PKHD1: variants seen among roughly 807,000 people sequenced by gnomAD.
PKHD1 encodes fibrocystin.
In PKHD1, 291 loss-of-function variants were observed where a neutral mutation model predicts 412.0. The ratio of observed to expected loss-of-function variants is 0.71; its 90% CI spans 0.64 to 0.78. The LOEUF is 0.78. Among genes scored for constraint, PKHD1 ranks in the 30% least tolerant of loss-of-function variants. PKHD1 has a pLI of 0.00. For synonymous variants in PKHD1, 1,777 were observed against 1,821.5 expected (o/e 0.98, Z 0.62); for missense variants, 4,825 against 4,950.7 (o/e 0.97, Z 0.76).
At chr6:51,821,741 G>T (rs1464341377) in intron 52 of PKHD1, among the ~76,000 whole-genome samples, 3 of 152,178 alleles carry the variant, frequency 2.0e-5, no homozygotes, top group African/African-American at 7.2e-5. Flanking sequence ...TTGAGACGGA[G>T]TCTCGCTCTG....
intron 60 of PKHD1, among the ~76,000 whole-genome samples, chr6:51,718,167 T>C (rs1319756131): frequency 2.0e-5 from 3 of 152,234 alleles, no homozygotes; most frequent in Non-Finnish European, 4.4e-5. Flanking sequence ...ACTTAAGGCC[T>C]GAGGGCAGGT....
At chr6:51,779,904 T>A (rs988597919) in intron 53 of PKHD1, among the ~76,000 whole-genome samples, 9 of 152,084 alleles carry the variant, frequency 5.9e-5, no homozygotes, top group Non-Finnish European at 1.2e-4. Flanking sequence ...CTTTTAAACC[T>A]TGCACAAGAC....
At chr6:51,833,304 T>C (rs191935676) in intron 51 of PKHD1, among the ~76,000 whole-genome samples, 11 of 152,300 alleles carry the variant, frequency 7.2e-5, no homozygotes, top group Non-Finnish European at 1.6e-4. Flanking sequence ...AGTCTTTAGT[T>C]GGACAAATTA....
In PKHD1 at chr6:52,071,540, G is replaced by C. The variant is rs1424270993; in HGVS notation, c.603-470C>G. Among the ~76,000 whole-genome samples, 3 of 152,142 alleles carry C rather than the reference G, an allele frequency of 2.0e-5. No homozygotes were observed. In the East Asian group the frequency reaches 5.9e-4, roughly 30 times the overall value. On this transcript the variant is annotated intron_variant, in intron 8 of 66. Transcript: ENST00000371117. ...CCTCAAAGGAGGGGCAACACACCCT[G>C]TCCAGAGTGAAGTAAAAATCCAGCA...
At chr6:52,061,864 CAG>C (rs1385901771) in intron 14 of PKHD1, among the ~76,000 whole-genome samples, 1 of 152,072 alleles carries the variant, frequency 6.6e-6, no homozygotes, top group Non-Finnish European at 1.5e-5. Flanking sequence ...ACTAAGGAAA[CAG>C]TGTGTCTAAG....
At chr6:51,644,209 A>G (rs1769773434) in intron 63 of PKHD1, among the ~76,000 whole-genome samples, 1 of 152,188 alleles carries the variant, frequency 6.6e-6, no homozygotes. Flanking sequence ...ACATTAAAAA[A>G]AAACTGAGAT....
chr6:51,659,592 C>A lies in PKHD1; in HGVS notation c.10534G>T (p.Glu3512Ter), dbSNP rs1423903666. ...ELQSPHVFLG[E>*]SFIPPTLVQS... ...ACCAGAGTGGGTGGAATAAAACTTT[C>A]CCCTAAGAAGACGTGGGGGCTCTGG... is the stretch of plus-strand genomic sequence containing the variant. The change falls in exon 61 of 67, where the codon GAA becomes TAA. Residue 3512 changes from glutamate to a stop codon, truncating the protein, a stop_gained. Coordinates refer to ENST00000371117, the MANE Select transcript of PKHD1 (RefSeq NM_138694.4). LOFTEE classifies it high-confidence loss of function. 1 of 1,613,694 alleles carries A rather than the reference C, an allele frequency of 6.2e-7. No individual in the cohort carries two copies. The highest frequency in any genetic ancestry group is 1.1e-5 in the South Asian group (1 of 91,072).
rs575686015 is a variant in PKHD1, at chr6:51,936,688, G to C, written c.5909-2366C>G. 3.3e-5 allele frequency among the ~76,000 whole-genome samples: 5 copies of C among 152,284 alleles called. No individual in the cohort carries two copies. In the East Asian group the frequency reaches 7.7e-4, roughly 23 times the overall value. The stretch of plus-strand genomic sequence containing the variant: ...CTGTAAAACTAGTTCAGGCCATGAC[G>C]GGGAGTGTCAGAGATGCCTCATTAT... On this transcript the variant is annotated intron_variant, in intron 36 of 66. Transcript: ENST00000371117.
At chr6:51,655,393 C>T (rs150458040) in intron 61 of PKHD1, among the ~76,000 whole-genome samples, 2 of 152,088 alleles carry the variant, frequency 1.3e-5, no homozygotes, top group Admixed American at 6.6e-5. Context: ...GTTTTCTTCT[C>T]TATTCCAAAG....
intron 46 of PKHD1, among the ~76,000 whole-genome samples, chr6:51,872,875 CTTTTTTTTT>C (rs33953182): frequency 1.5e-3 from 119 of 81,496 alleles, no homozygotes; most frequent in Non-Finnish European, 2.1e-3. Context: ...CCATCGTTTC[CTTTTTTTTT>C]TTTTTTTTTT....
intron 35 of PKHD1, among the ~76,000 whole-genome samples, chr6:51,972,741 C>A (rs958809490): frequency 6.6e-5 from 10 of 152,172 alleles, no homozygotes; most frequent in Non-Finnish European, 1.3e-4. Flanking sequence ...CAAACACATC[C>A]GCCACACATT....
intron 60 of PKHD1, chr6:51,722,097 G>A (rs1401802829): frequency 5.0e-6 from 8 of 1,609,522 alleles, no homozygotes; most frequent in Non-Finnish European, 6.8e-6. Context: ...TTTCTTCTCG[G>A]CATGCTTTCC....
intron 52 of PKHD1, among the ~76,000 whole-genome samples, chr6:51,819,702 G>C (rs1256905016): frequency 1.3e-5 from 2 of 152,164 alleles, no homozygotes; most frequent in Non-Finnish European, 2.9e-5. Flanking sequence ...TATGCACCCA[G>C]TAAATAGTTG....
intron 46 of PKHD1, among the ~76,000 whole-genome samples, chr6:51,882,015 A>G (rs1777454757): frequency 6.6e-6 from 1 of 152,196 alleles, no homozygotes; most frequent in Non-Finnish European, 1.5e-5. Flanking sequence ...TCACTTTCCC[A>G]TTAATTATGA....
At chr6:51,903,813 G>A in intron 42 of PKHD1, 86 bp from the exon 43 acceptor site, 1 of 867,642 alleles carries the variant, frequency 1.2e-6, no homozygotes, top group South Asian at 1.3e-5. Context: ...ATACACATCA[G>A]AGTTCACATA....
intron 60 of PKHD1, among the ~76,000 whole-genome samples, chr6:51,725,708 G>A (rs1328620137): frequency 1.3e-5 from 2 of 152,194 alleles, no homozygotes; most frequent in Non-Finnish European, 2.9e-5. Flanking sequence ...GCATTAAGAA[G>A]TAAATCGACC....
intron 48 of PKHD1, among the ~76,000 whole-genome samples, chr6:51,866,539 C>A (rs563361493): frequency 6.6e-6 from 1 of 152,232 alleles, no homozygotes; most frequent in South Asian, 2.1e-4. Flanking sequence ...ACAGAGCCTT[C>A]TAACATCACA....
Position 51,748,683 on chromosome 6 carries a change from T to A in PKHD1, c.8951-18A>T. On this transcript the variant is annotated intron_variant, in intron 57 of 66. Transcript: ENST00000371117. ...AAGGACACCTATAAACAAATGCATG[T>A]CATCAGGTACTTTCCTCTTCCCCAC... 2 of 1,611,848 alleles carry A rather than the reference T, an allele frequency of 1.2e-6. No individual in the cohort carries two copies. The highest frequency in any genetic ancestry group is 1.7e-6 in the Non-Finnish European group (2 of 1,178,224).
chr6:51,718,582 T>C (rs1245992204), intron 60 of PKHD1, among the ~76,000 whole-genome samples: 1 of 152,178 alleles, frequency 6.6e-6, no homozygotes, highest in Non-Finnish European at 1.5e-5. Context: ...ACTGATGAGA[T>C]CTGAAGTTGG....
Sources: gnomAD v4.1 joint callset for allele counts (sites outside exome capture counted in the v4.1 genomes callset) on GRCh38, gnomAD v4.1.1 for gene constraint, MANE v1.5 for transcripts, NCBI Gene and HGNC (gene_info 2026-07-23, HGNC 2026-07-21) for gene names.